The following ARHGAP10 variants were observed in gnomAD, a reference collection of about 807,000 sequenced individuals.
The protein encoded by ARHGAP10 is Rho GTPase activating protein 10.
A neutral mutation model predicts 108.6 loss-of-function variants in ARHGAP10; 87 were observed. The observed-to-expected ratio is 0.80, with a 90% CI of 0.67 to 0.96. The LOEUF is 0.96. ARHGAP10 is among the 40% of genes least tolerant of loss of function. The pLI is 0.00. For missense variants in ARHGAP10, 939 were observed against 954.5 expected (o/e 0.98, Z 0.21); for synonymous variants, 347 against 341.1 (o/e 1.02, Z -0.19).
At chr4:147,909,660 C>T in intron 11 of ARHGAP10, 72 bp from the exon 12 acceptor site, 1 of 1,265,774 alleles carries the variant, frequency 7.9e-7, no homozygotes, top group East Asian at 2.3e-5. Flanking sequence ...TTGTATGGTC[C>T]TCAGTGTGCC....
chr4:147,842,647 C>T (rs1733462766), intron 3 of ARHGAP10, among the ~76,000 whole-genome samples: 1 of 152,174 alleles, frequency 6.6e-6, no homozygotes, highest in African/African-American at 2.4e-5. Flanking sequence ...GCCTGGAGAA[C>T]ACCGTCCCTC....
intron 18 of ARHGAP10, among the ~76,000 whole-genome samples, chr4:147,977,568 C>A (rs767347259): frequency 1.1e-4 from 17 of 152,096 alleles, no homozygotes; most frequent in Admixed American, 5.2e-4. Context: ...TTGGACATTC[C>A]ATAGACAGTT....
intron 19 of ARHGAP10, among the ~76,000 whole-genome samples, chr4:148,032,842 T>C (rs1297828861): frequency 6.6e-6 from 1 of 152,164 alleles, no homozygotes; most frequent in Non-Finnish European, 1.5e-5. Context: ...TGGACTCTCA[T>C]GTTCGAGGGC....
chr4:148,025,885 A>G (rs1741747470), intron 19 of ARHGAP10, among the ~76,000 whole-genome samples: 1 of 152,212 alleles, frequency 6.6e-6, no homozygotes, highest in African/African-American at 2.4e-5. Flanking sequence ...GCATTATTAT[A>G]GACAACTTTG....
intron 20 of ARHGAP10, among the ~76,000 whole-genome samples, chr4:148,057,173 A>C (rs1729402283): frequency 6.6e-6 from 1 of 152,216 alleles, no homozygotes; most frequent in Non-Finnish European, 1.5e-5. Context: ...GGGGAGGAAG[A>C]AACTGCAAGC....
chr4:147,832,004 G>A (rs1732968431), intron 3 of ARHGAP10, among the ~76,000 whole-genome samples: 1 of 152,036 alleles, frequency 6.6e-6, no homozygotes. Context: ...TACATTTCCT[G>A]AATTTCATAT....
At chr4:147,995,289 C>T (rs564043086) in intron 18 of ARHGAP10, among the ~76,000 whole-genome samples, 2 of 152,088 alleles carry the variant, frequency 1.3e-5, no homozygotes, top group African/African-American at 4.8e-5. Flanking sequence ...CATACCAGTG[C>T]GTATACACCA....
chr4:147,990,527 C>T (rs766027911), intron 18 of ARHGAP10, among the ~76,000 whole-genome samples: 1 of 152,066 alleles, frequency 6.6e-6, no homozygotes, highest in Non-Finnish European at 1.5e-5. Context: ...AGGAGTCTTT[C>T]GATGGAATCA....
intron 1 of ARHGAP10, among the ~76,000 whole-genome samples, chr4:147,734,540 T>C (rs778217792): frequency 1.2e-4 from 18 of 152,310 alleles, no homozygotes; most frequent in Admixed American, 2.6e-4. Flanking sequence ...TCACATGCCT[T>C]TTCCCGCTTG....
intron 18 of ARHGAP10, among the ~76,000 whole-genome samples, chr4:147,991,165 T>G (rs73853998): frequency 1.4e-4 from 20 of 146,738 alleles, no homozygotes; most frequent in African/African-American, 4.6e-4. Context: ...AAAAAATAAA[T>G]AAAAGAAAAC....
chr4:147,744,113 A>C (rs898464829), intron 1 of ARHGAP10, among the ~76,000 whole-genome samples: 1 of 152,230 alleles, frequency 6.6e-6, no homozygotes, highest in African/African-American at 2.4e-5. Context: ...AATTACATTC[A>C]CATTGTTGAA....
intron 14 of ARHGAP10, among the ~76,000 whole-genome samples, chr4:147,941,092 T>A (rs567537565): frequency 6.6e-6 from 1 of 152,280 alleles, no homozygotes; most frequent in South Asian, 2.1e-4. Context: ...AGCATCTGCT[T>A]TTACTTAATT....
chr4:148,048,778 T>G (rs1728998956), intron 20 of ARHGAP10, among the ~76,000 whole-genome samples: 1 of 152,176 alleles, frequency 6.6e-6, no homozygotes, highest in Non-Finnish European at 1.5e-5. Context: ...CAACACTCAA[T>G]TCACAACACG....
At position 147,777,759 on chromosome 4, in the gene ARHGAP10, G is replaced by C. The variant is rs554966975; in HGVS notation, c.155-44968G>C. ...TCTCTAAGTAGTAAAAGGTGAACCAGGAGGTGTTGGGGGAGTGGACTCTGC... is the reference window on the plus strand; with the variant it reads ...TCTCTAAGTAGTAAAAGGTGAACCACGAGGTGTTGGGGGAGTGGACTCTGC... On this transcript the variant is annotated intron_variant, in intron 1 of 22. Transcript: ENST00000336498. Among the ~76,000 whole-genome samples, 11 of 152,308 alleles carry C rather than the reference G, an allele frequency of 7.2e-5. No homozygotes were observed. The South Asian group carries it at 2.1e-3, about 29-fold the overall frequency.
At chr4:148,064,288 TTTCTC>T in intron 21 of ARHGAP10, 123 bp from the exon 22 acceptor site, 1 of 658,302 alleles carries the variant, frequency 1.5e-6, no homozygotes, top group South Asian at 1.9e-5. Flanking sequence ...TCCACGTTAA[TTTCTC>T]TTTTGGGAGG....
At chr4:147,762,197 C>T (rs115202263) in intron 1 of ARHGAP10, among the ~76,000 whole-genome samples, 1,530 of 152,042 alleles carry the variant, frequency 0.01, 15 homozygotes, top group Non-Finnish European at 0.014. Context: ...TAGTAGAGAT[C>T]TGGTTTCACC....
intron 9 of ARHGAP10, among the ~76,000 whole-genome samples, chr4:147,880,059 T>G (rs968244568): frequency 6.6e-6 from 1 of 152,142 alleles, no homozygotes; most frequent in Admixed American, 6.5e-5. Context: ...CAGCAAAGCA[T>G]GATAGTAAGA....
intron 20 of ARHGAP10, among the ~76,000 whole-genome samples, chr4:148,054,789 C>T (rs543167785): frequency 1.3e-5 from 2 of 152,172 alleles, no homozygotes; most frequent in South Asian, 2.1e-4. Flanking sequence ...TATTCTGAGC[C>T]GTATACCCAG....
intron 18 of ARHGAP10, among the ~76,000 whole-genome samples, chr4:147,984,381 G>A (rs892715819): frequency 3.3e-5 from 5 of 152,228 alleles, no homozygotes; most frequent in African/African-American, 7.2e-5. Flanking sequence ...TTGAGGAGGC[G>A]GGAAGGGAGT....
Sources: gnomAD v4.1 joint callset for allele counts (sites outside exome capture counted in the v4.1 genomes callset) on GRCh38, gnomAD v4.1.1 for gene constraint, MANE v1.5 for transcripts, NCBI Gene and HGNC (gene_info 2026-07-23, HGNC 2026-07-21) for gene names.